The following THNSL1 variants were observed in gnomAD, a reference collection of about 807,000 sequenced individuals.
The protein encoded by THNSL1 is threonine synthase like 1.
In THNSL1, 48 loss-of-function variants were observed where a neutral mutation model predicts 50.4. The ratio of observed to expected loss-of-function variants is 0.95; its 90% CI spans 0.76 to 1.21. THNSL1 has a LOEUF of 1.21. THNSL1 is among the 50% of genes most tolerant of loss of function. The probability of loss-of-function intolerance (pLI) is 0.00; values close to 1 mark genes in which losing one functional copy is unlikely to be tolerated. For missense variants in THNSL1, 896 were observed against 871.7 expected, an observed-to-expected ratio of 1.03 and a Z score of -0.35; for synonymous variants, 309 against 306.1, an observed-to-expected ratio of 1.01 and a Z score of -0.10.
chr10:24,974,732 A>T, the THNSL1 span, among the ~76,000 whole-genome samples: 1 of 152,214 alleles, frequency 6.6e-6, no homozygotes, highest in Non-Finnish European at 1.5e-5. Context: ...ACATTATTTT[A>T]TTTTTATGTT....
Position 25,025,286 on chromosome 10 carries a change from C to A in THNSL1, c.2063C>A (p.Ser688Ter). The change falls in exon 3 of 3, where the codon TCA becomes TAA. Residue 688 changes from serine (S) to a stop codon, truncating the protein, a stop_gained. Coordinates refer to ENST00000376356, the MANE Select transcript of THNSL1 (RefSeq NM_024838.5). LOFTEE classifies it high-confidence loss of function. ...ALKIKEINET[S>*]SSQLYLLGSY... ...AAGATTAAAGAAATCAATGAGACTTCATCAAGTCAGCTCTATTTGCTGGGT... is the reference window on the plus strand; with the variant it reads ...AAGATTAAAGAAATCAATGAGACTTAATCAAGTCAGCTCTATTTGCTGGGT... The A allele has an allele frequency of 6.2e-7, 1 of 1,614,180 alleles. No individual in the cohort carries two copies. The highest frequency in any genetic ancestry group is 8.5e-7 in the Non-Finnish European group (1 of 1,180,028).
chr10:25,000,010 G>A, the THNSL1 span, among the ~76,000 whole-genome samples: 1 of 151,828 alleles, frequency 6.6e-6, no homozygotes, highest in Non-Finnish European at 1.5e-5. Context: ...GTTTTAATTT[G>A]TTTTTCTTTT....
the THNSL1 span, among the ~76,000 whole-genome samples, chr10:25,006,054 GTGAT>G: frequency 1.3e-5 from 2 of 152,088 alleles, no homozygotes; most frequent in African/African-American, 4.8e-5. Context: ...CTTTTTAAAA[GTGAT>G]TAGAAAAATT....
chr10:24,954,547 C>T, the THNSL1 span, among the ~76,000 whole-genome samples: 5 of 152,088 alleles, frequency 3.3e-5, no homozygotes, highest in Admixed American at 3.3e-4. Flanking sequence ...GATAAATCTT[C>T]TTCCCTTAGA....
chr10:24,972,518 A>T, the THNSL1 span, among the ~76,000 whole-genome samples: 1 of 146,032 alleles, frequency 6.8e-6, no homozygotes, highest in African/African-American at 2.8e-5. Context: ...AAAAAAAAAA[A>T]AATAAATAAT....
At chr10:25,010,405 G>C in the THNSL1 span, among the ~76,000 whole-genome samples, 1 of 151,944 alleles carries the variant, frequency 6.6e-6, no homozygotes, top group Non-Finnish European at 1.5e-5. Flanking sequence ...TCAGTTTTAT[G>C]TATTCACAAA....
rs924500332 is a variant in THNSL1, at chr10:25,026,651, A to G, written c.*1196A>G. On this transcript the variant is annotated 3_prime_UTR_variant, in exon 3 of 3. Transcript: ENST00000376356. ...TGGATGTTTTCTTTCTGAATTAAAG[A>G]TTGTCAAGACCAATTAGTGTAATGG... The G allele has an allele frequency of 6.2e-6, 1 of 161,094 alleles. No homozygotes were observed. The highest frequency in any genetic ancestry group is 1.5e-5 in the Non-Finnish European group (1 of 68,098). The allele number at this position is 161,094 out of a possible 1,614,324, so 10.0% of individuals were successfully genotyped here.
chr10:25,016,120 A>G (rs1486831986), upstream of THNSL1: 1 of 1,262,774 alleles, frequency 7.9e-7, no homozygotes, highest in Non-Finnish European at 1.0e-6. Flanking sequence ...GGAAGAAAAC[A>G]CCCTATTTCT....
the THNSL1 span, chr10:24,952,542 C>T: frequency 5.0e-6 from 8 of 1,590,638 alleles, no homozygotes; most frequent in Middle Eastern, 3.3e-4. The surrounding 1 kb of genome is among the most constrained non-coding windows in gnomAD (Gnocchi z 5.1). Flanking sequence ...ACGCCTCGCC[C>T]GTAGTCTGGC....
the THNSL1 span, chr10:24,984,867 G>C: frequency 4.3e-6 from 7 of 1,613,454 alleles, no homozygotes; most frequent in Non-Finnish European, 5.1e-6. Context: ...AGAGGGACTG[G>C]AATTCTTTAT....
At chr10:24,998,310 T>TCTCCC in the THNSL1 span, among the ~76,000 whole-genome samples, 6 of 149,052 alleles carry the variant, frequency 4.0e-5, no homozygotes, top group South Asian at 2.2e-4. Flanking sequence ...TCTCTTCTCC[T>TCTCCC]CTCCCCTCCC....
chr10:24,952,506 A>T, the THNSL1 span: 3 of 1,578,014 alleles, frequency 1.9e-6, no homozygotes, highest in Non-Finnish European at 2.6e-6. The surrounding 1 kb of genome is among the most constrained non-coding windows in gnomAD (Gnocchi z 5.1). Context: ...GCCGAGCCCC[A>T]AAATAGGGAG....
In THNSL1 at chr10:25,024,694, G is replaced by T; in HGVS notation, c.1471G>T (p.Val491Phe). The stretch of plus-strand genomic sequence containing the variant: ...TCATGCTTCCGCATATCTTGATCTT[G>T]TTAGTCAAGGATTTATTTCTTTTGG... ...VYHASAYLDL[V>F]SQGFISFGSP... is the part of the protein sequence containing the mutation. Residue 491 changes from valine to phenylalanine, a missense_variant, in exon 3 of 3, where the codon GTT becomes TTT. Coordinates refer to ENST00000376356, the MANE Select transcript of THNSL1 (RefSeq NM_024838.5). The T allele has an allele frequency of 6.2e-7, 1 of 1,614,188 alleles. No individual in the cohort carries two copies. The highest frequency in any genetic ancestry group is 8.5e-7 in the Non-Finnish European group (1 of 1,180,024).
At chr10:25,008,360 G>A in the THNSL1 span, among the ~76,000 whole-genome samples, 1 of 152,168 alleles carries the variant, frequency 6.6e-6, no homozygotes, top group African/African-American at 2.4e-5. Flanking sequence ...AAGTGGGTAA[G>A]ACAAGAAACT....
chr10:25,023,797 T>A lies in THNSL1; in HGVS notation c.574T>A (p.Tyr192Asn). The stretch of plus-strand genomic sequence containing the variant: ...AGACTTACTTAAATTTAGAAGACAG[T>A]ATTATAAGAAGTGGTATGATGCTCG... Reference protein sequence around the residue: ...MKDLLKFRRQYYKKWYDARVF... With the variant: ...MKDLLKFRRQNYKKWYDARVF... Residue 192 changes from tyrosine to asparagine, a missense_variant, in exon 3 of 3, where the codon TAT (tyrosine) becomes AAT (asparagine). Tyr to Asn is a moderately radical substitution (Grantham distance 143). Transcript: ENST00000376356. 6.2e-7 allele frequency: 1 copy of A among 1,614,148 alleles called. No individual in the cohort carries two copies. The highest frequency in any genetic ancestry group is 8.5e-7 in the Non-Finnish European group (1 of 1,180,006).
chr10:25,014,468 G>C (rs1850520354), upstream of THNSL1, among the ~76,000 whole-genome samples: 1 of 151,684 alleles, frequency 6.6e-6, no homozygotes, highest in Admixed American at 6.6e-5. Flanking sequence ...ACATAATAGG[G>C]GCTCCATTAA....
chr10:24,986,990 G>T, the THNSL1 span, among the ~76,000 whole-genome samples: 4 of 152,136 alleles, frequency 2.6e-5, no homozygotes, highest in African/African-American at 9.7e-5. Flanking sequence ...TCAGTTTCAT[G>T]CTCCTTTTGC....
At chr10:24,959,126 C>T in the THNSL1 span, among the ~76,000 whole-genome samples, 1 of 152,194 alleles carries the variant, frequency 6.6e-6, no homozygotes, top group African/African-American at 2.4e-5. Flanking sequence ...ATTGGTGCCT[C>T]AGCCAGTGCT....
At chr10:24,964,003 GT>G in the THNSL1 span, among the ~76,000 whole-genome samples, 5 of 152,168 alleles carry the variant, frequency 3.3e-5, no homozygotes, top group African/African-American at 1.2e-4. Context: ...AAAGATCAGG[GT>G]TTCCCAATAT....
Sources: gnomAD v4.1 joint callset for allele counts (sites outside exome capture counted in the v4.1 genomes callset) on GRCh38, gnomAD v4.1.1 for gene constraint, Gnocchi (gnomAD v3.1) non-coding constraint, MANE v1.5 for transcripts, NCBI Gene and HGNC (gene_info 2026-07-23, HGNC 2026-07-21) for gene names.